Variants in XKR9 observed in about 807,000 individuals in gnomAD.
The protein encoded by XKR9 is XK-related protein 9.
XKR9 carries 32 observed loss-of-function variants against 32.0 expected under a neutral mutation model. The ratio of observed to expected loss-of-function variants is 1.00; its 90% CI spans 0.76 to 1.34. The LOEUF (loss-of-function observed/expected upper bound fraction) is 1.34, where lower values mean the gene tolerates loss of function less well. Among genes scored for constraint, XKR9 ranks in the 40% most tolerant of loss-of-function variants. The probability of loss-of-function intolerance (pLI) is 0.00; values close to 1 mark genes in which losing one functional copy is unlikely to be tolerated. For synonymous variants in XKR9, 168 were observed against 143.4 expected (o/e 1.17, Z -1.22); for missense variants, 546 against 429.7 (o/e 1.27, Z -2.39).
At chr8:70,908,137 T>G in the XKR9 span, among the ~76,000 whole-genome samples, 1 of 152,182 alleles carries the variant, frequency 6.6e-6, no homozygotes, top group Non-Finnish European at 1.5e-5. Context: ...TAAACTGTAT[T>G]CCAAGTGTCT....
At chr8:71,030,078 C>A in the XKR9 span, among the ~76,000 whole-genome samples, 1 of 151,924 alleles carries the variant, frequency 6.6e-6, no homozygotes, top group East Asian at 1.9e-4. Context: ...AGGACCTAAG[C>A]CAGGAATCCC....
At chr8:70,701,021 T>G (rs554111392) in intron 3 of XKR9, among the ~76,000 whole-genome samples, 27 of 152,186 alleles carry the variant, frequency 1.8e-4, no homozygotes, top group African/African-American at 6.3e-4. Context: ...TGGTGTGCCG[T>G]TTTTTAAGCC....
intron 2 of XKR9, among the ~76,000 whole-genome samples, chr8:70,745,322 C>CT (rs1488037852): frequency 6.6e-6 from 1 of 152,018 alleles, no homozygotes; most frequent in Non-Finnish European, 1.5e-5. Flanking sequence ...AAATTTTGGG[C>CT]TTTTTCTAGA....
At chr8:70,755,273 G>T (rs1304223279) in intron 2 of XKR9, among the ~76,000 whole-genome samples, 1 of 152,158 alleles carries the variant, frequency 6.6e-6, no homozygotes, top group Non-Finnish European at 1.5e-5. Context: ...GTGCTGGAGA[G>T]GATGTGGAGA....
intron 3 of XKR9, among the ~76,000 whole-genome samples, chr8:70,697,915 G>T (rs1430207832): frequency 5.3e-5 from 8 of 151,994 alleles, no homozygotes; most frequent in Admixed American, 5.2e-4. Flanking sequence ...AGTCTTGGGA[G>T]GGTGTATGTG....
At chr8:70,999,832 G>A in the XKR9 span, among the ~76,000 whole-genome samples, 4 of 152,090 alleles carry the variant, frequency 2.6e-5, no homozygotes. Flanking sequence ...AAATAGCCAC[G>A]GCATTTATTT....
At chr8:70,846,420 C>A in the XKR9 span, among the ~76,000 whole-genome samples, 1 of 151,872 alleles carries the variant, frequency 6.6e-6, no homozygotes, top group African/African-American at 2.4e-5. Flanking sequence ...ATATTACTAT[C>A]AGAGAAAAAT....
intron 3 of XKR9, among the ~76,000 whole-genome samples, chr8:70,696,301 A>T (rs1026728644): frequency 2.6e-5 from 4 of 151,792 alleles, no homozygotes; most frequent in Non-Finnish European, 4.4e-5. Flanking sequence ...TCTTCTAGGG[A>T]TTTTATGGTT....
the XKR9 span, among the ~76,000 whole-genome samples, chr8:70,983,777 A>T: frequency 1.3e-5 from 2 of 149,658 alleles, no homozygotes; most frequent in African/African-American, 2.5e-5. Flanking sequence ...GCAAGACTTC[A>T]TCTCAAAATA....
chr8:71,018,701 G>A, the XKR9 span, among the ~76,000 whole-genome samples: 1 of 152,102 alleles, frequency 6.6e-6, no homozygotes, highest in Non-Finnish European at 1.5e-5. Context: ...AGCCAGGATG[G>A]GAAATTAGCA....
the XKR9 span, among the ~76,000 whole-genome samples, chr8:71,044,825 T>C: frequency 6.6e-6 from 1 of 152,240 alleles, no homozygotes; most frequent in Non-Finnish European, 1.5e-5. Context: ...ATAACATTTT[T>C]CTATAGTTTA....
chr8:70,812,837 G>T, the XKR9 span, among the ~76,000 whole-genome samples: 1 of 152,142 alleles, frequency 6.6e-6, no homozygotes, highest in African/African-American at 2.4e-5. Context: ...TGGATAGGGA[G>T]AATCAATATC....
At chr8:70,755,122 A>T (rs1807201132) in intron 2 of XKR9, among the ~76,000 whole-genome samples, 1 of 152,258 alleles carries the variant, frequency 6.6e-6, no homozygotes, top group Non-Finnish European at 1.5e-5. Flanking sequence ...ACTTCTCAAA[A>T]GAAGACATTT....
At chr8:70,792,849 G>A (rs1275671935), downstream of XKR9, among the ~76,000 whole-genome samples, 1 of 152,174 alleles carries the variant, frequency 6.6e-6, no homozygotes, top group East Asian at 1.9e-4. Context: ...TGAGAACACA[G>A]TGAGAAGAAA....
the XKR9 span, among the ~76,000 whole-genome samples, chr8:70,978,152 G>A: frequency 6.6e-6 from 1 of 152,154 alleles, no homozygotes; most frequent in Admixed American, 6.5e-5. Context: ...TGGGTCTCCT[G>A]AATACGGCAC....
intron 2 of XKR9, among the ~76,000 whole-genome samples, chr8:70,757,659 T>C (rs1807247625): frequency 6.6e-6 from 1 of 152,206 alleles, no homozygotes; most frequent in African/African-American, 2.4e-5. Flanking sequence ...CAATCTCGGC[T>C]CACTGCAACC....
chr8:70,887,890 C>G, the XKR9 span, among the ~76,000 whole-genome samples: 3 of 152,102 alleles, frequency 2.0e-5, no homozygotes, highest in Non-Finnish European at 1.5e-5. Flanking sequence ...TTGACTTCCT[C>G]TCTTCCTATT....
the XKR9 span, among the ~76,000 whole-genome samples, chr8:70,826,350 CAT>C: frequency 2.0e-4 from 31 of 152,250 alleles, no homozygotes; most frequent in African/African-American, 7.5e-4. Context: ...CAAAAACAAA[CAT>C]TGACTTCTTT....
chr8:70,837,018 G>T, the XKR9 span, among the ~76,000 whole-genome samples: 2 of 152,038 alleles, frequency 1.3e-5, no homozygotes, highest in African/African-American at 2.4e-5. Context: ...CAGTGGTCAA[G>T]GCCACAGGTT....
Sources: gnomAD v4.1 joint callset for allele counts (sites outside exome capture counted in the v4.1 genomes callset) on GRCh38, gnomAD v4.1.1 for gene constraint, MANE v1.5 for transcripts, NCBI Gene and HGNC (gene_info 2026-07-23, HGNC 2026-07-21) for gene names.